The following CDH2 variants were observed in gnomAD, a reference collection of about 807,000 sequenced individuals.
The protein encoded by CDH2 is cadherin 2.
A neutral mutation model predicts 92.0 loss-of-function variants in CDH2; 17 were observed. That is an observed-to-expected ratio of 0.18 (90% confidence interval 0.13 to 0.28). The LOEUF (loss-of-function observed/expected upper bound fraction) is 0.28, where lower values mean the gene tolerates loss of function less well. Among genes scored for constraint, CDH2 ranks in the 10% least tolerant of loss-of-function variants. The pLI is 1.00. For synonymous variants in CDH2, 419 were observed against 415.9 expected, an observed-to-expected ratio of 1.01 and a Z score of -0.09; for missense variants, 862 against 1,133.1, an observed-to-expected ratio of 0.76 and a Z score of 3.44.
intron 2 of CDH2, among the ~76,000 whole-genome samples, chr18:28,098,410 T>C (rs540929017): frequency 3.3e-5 from 5 of 152,172 alleles, no homozygotes; most frequent in Non-Finnish European, 5.9e-5. Flanking sequence ...AAATGCAAAG[T>C]TAGGTTCCTA....
chr18:28,119,594 T>C (rs1311014517), intron 2 of CDH2, among the ~76,000 whole-genome samples: 1 of 152,142 alleles, frequency 6.6e-6, no homozygotes, highest in Non-Finnish European at 1.5e-5. Flanking sequence ...ACTGATCAAT[T>C]ATAATGCAAA....
intron 2 of CDH2, among the ~76,000 whole-genome samples, chr18:28,115,719 C>G (rs2015486349): frequency 6.6e-6 from 1 of 152,128 alleles, no homozygotes; most frequent in African/African-American, 2.4e-5. Flanking sequence ...TGATGACTTC[C>G]ATTTATACAA....
At chr18:28,158,078 G>A (rs926865977) in intron 1 of CDH2, among the ~76,000 whole-genome samples, 3 of 152,108 alleles carry the variant, frequency 2.0e-5, no homozygotes, top group Non-Finnish European at 2.9e-5. Flanking sequence ...TTTTAAAAAT[G>A]GTTACAGATG....
At chr18:27,980,216 T>A (rs17522229) in intron 14 of CDH2, among the ~76,000 whole-genome samples, 4,624 of 152,210 alleles carry the variant, frequency 0.03, 117 homozygotes, top group African/African-American at 0.072. Context: ...TGAATTCACA[T>A]CCTCAGGGAG....
intron 2 of CDH2, among the ~76,000 whole-genome samples, chr18:28,091,743 C>T (rs1429614874): frequency 6.6e-6 from 1 of 151,982 alleles, no homozygotes; most frequent in Middle Eastern, 3.2e-3. Flanking sequence ...ATTTTGTTTC[C>T]AAAGAAAATG....
chr18:28,148,203 A>T (rs565135002), intron 1 of CDH2, among the ~76,000 whole-genome samples: 1 of 152,262 alleles, frequency 6.6e-6, no homozygotes, highest in Admixed American at 6.5e-5. Context: ...ATTTTTAGCT[A>T]ATTTTCTATA....
At chr18:28,064,190 A>C (rs1461321339) in intron 2 of CDH2, among the ~76,000 whole-genome samples, 4 of 151,632 alleles carry the variant, frequency 2.6e-5, no homozygotes. Flanking sequence ...TCTCAAAATG[A>C]CTCCCATCTC....
rs1397346197 is a variant in CDH2 at position 27,944,754 on chromosome 18, T to TTA, written c.1152-11631_1152-11630insTA. Among the ~76,000 whole-genome samples, 56 of 83,554 alleles carry TTA rather than the reference T, an allele frequency of 6.7e-4. 1 individual carries two copies. Among genetic ancestry groups the TTA allele is most frequent in the East Asian group, 1.9e-3 (4 of 2,052 alleles). The allele number at this position is 83,554 out of a possible 152,430, so 54.8% of individuals were successfully genotyped here. The stretch of plus-strand genomic sequence containing the variant: ...TGGCAACATAGTGAGACTTCCTTTC[T>TTA]AAAAAAAAAAAAAAAAAAAAAAGGC... On this transcript the variant is annotated intron_variant, in intron 6 of 6. Coordinates refer to the CDH2 transcript ENST00000675173.
rs571789345 is a variant in CDH2, at chr18:28,003,463, T to C, written c.848-294A>G. On this transcript the variant is annotated intron_variant, in intron 6 of 15. Transcript: ENST00000269141. The stretch of plus-strand genomic sequence containing the variant: ...TTTATGATTCCAAAAAGGTTCATTT[T>C]AGACCTTAATTTATATAAAATGCAA... Among the ~76,000 whole-genome samples, 150 of 152,326 alleles carry C rather than the reference T, an allele frequency of 9.8e-4. 3 individuals are homozygous for C. The South Asian group carries it at 0.019, about 19-fold the overall frequency.
intron 2 of CDH2, among the ~76,000 whole-genome samples, chr18:28,095,844 C>G (rs1345320440): frequency 7.0e-6 from 1 of 141,934 alleles, no homozygotes; most frequent in East Asian, 2.0e-4. Context: ...AGAGAATTAC[C>G]ACATACTAAT....
intron 6 of CDH2, among the ~76,000 whole-genome samples, chr18:28,004,654 AG>A (rs1386323695): frequency 3.9e-5 from 6 of 152,224 alleles, no homozygotes; most frequent in Non-Finnish European, 7.3e-5. Flanking sequence ...CAGTCCCAAA[AG>A]CCCAATGTTT....
chr18:27,996,920 C>T (rs1279936987), intron 7 of CDH2, among the ~76,000 whole-genome samples: 1 of 152,160 alleles, frequency 6.6e-6, no homozygotes, highest in Non-Finnish European at 1.5e-5. Context: ...TCACCTTTTC[C>T]CAAAACCACA....
intron 2 of CDH2, among the ~76,000 whole-genome samples, chr18:28,028,898 C>A (rs1487445344): frequency 2.0e-5 from 3 of 151,944 alleles, no homozygotes; most frequent in African/African-American, 7.2e-5. Flanking sequence ...TGAAGATATT[C>A]AAAGCAATGA....
At chr18:28,000,220 A>G (rs972134545) in intron 7 of CDH2, among the ~76,000 whole-genome samples, 13 of 152,204 alleles carry the variant, frequency 8.5e-5, no homozygotes, top group African/African-American at 3.1e-4. Flanking sequence ...TCTCCCGCTC[A>G]GCCTCCCAAG....
chr18:28,013,532 AAC>A, intron 3 of CDH2, 149 bp downstream of exon 3: 1 of 644,388 alleles, frequency 1.6e-6, no homozygotes. Context: ...AGAGATTACA[AAC>A]ACAACAAAAT....
At chr18:27,949,728 G>C (rs1426136103), downstream of CDH2, among the ~76,000 whole-genome samples, 7 of 151,790 alleles carry the variant, frequency 4.6e-5, no homozygotes, top group Admixed American at 2.0e-4. Flanking sequence ...CTGTAGCATG[G>C]CAGCGGGTTT....
intron 2 of CDH2, among the ~76,000 whole-genome samples, chr18:28,125,424 T>A (rs577465695): frequency 6.6e-5 from 10 of 151,952 alleles, no homozygotes; most frequent in Non-Finnish European, 1.0e-4. Context: ...AAAAAAAAAT[T>A]TTTTTTTCAA....
At chr18:28,143,888 A>G (rs2015993483) in intron 2 of CDH2, among the ~76,000 whole-genome samples, 1 of 152,120 alleles carries the variant, frequency 6.6e-6, no homozygotes. Flanking sequence ...TCAGCAAACT[A>G]ACACAGGAAA....
intron 2 of CDH2, among the ~76,000 whole-genome samples, chr18:28,052,053 C>A (rs1226347032): frequency 1.3e-5 from 2 of 151,846 alleles, no homozygotes; most frequent in Non-Finnish European, 2.9e-5. Flanking sequence ...AAAACAACAA[C>A]GATGTCATTA....
Sources: gnomAD v4.1 joint callset for allele counts (sites outside exome capture counted in the v4.1 genomes callset) on GRCh38, gnomAD v4.1.1 for gene constraint, MANE v1.5 for transcripts, NCBI Gene and HGNC (gene_info 2026-07-23, HGNC 2026-07-21) for gene names.